ZNF704: variants seen among roughly 807,000 people sequenced by gnomAD.
ZNF704 encodes glucocorticoid induced gene 1.
In ZNF704, 10 loss-of-function variants were observed where a neutral mutation model predicts 44.7. The observed-to-expected ratio is 0.22, with a 90% CI of 0.14 to 0.38. The LOEUF (loss-of-function observed/expected upper bound fraction) is 0.38, where lower values mean the gene tolerates loss of function less well. Ranked by LOEUF, ZNF704 falls within the 10% of genes least tolerant of loss-of-function variation. The pLI is 1.00. For missense variants in ZNF704, 390 were observed against 545.5 expected, an observed-to-expected ratio of 0.71 and a Z score of 2.84; for synonymous variants, 211 against 207.6, an observed-to-expected ratio of 1.02 and a Z score of -0.14.
chr8:80,690,080 A>G (rs1463150250), intron 3 of ZNF704, among the ~76,000 whole-genome samples: 1 of 151,482 alleles, frequency 6.6e-6, no homozygotes, highest in African/African-American at 2.4e-5. Flanking sequence ...AAAAGCCTTC[A>G]TTATAATAAA....
chr8:80,819,854 G>C (rs1260361381), intron 2 of ZNF704, among the ~76,000 whole-genome samples: 2 of 152,094 alleles, frequency 1.3e-5, no homozygotes, highest in East Asian at 3.8e-4. Flanking sequence ...TGACAAATCT[G>C]GCAATGGGAG....
At chr8:80,754,105 C>G (rs1206325633) in intron 2 of ZNF704, among the ~76,000 whole-genome samples, 1 of 152,186 alleles carries the variant, frequency 6.6e-6, no homozygotes, top group African/African-American at 2.4e-5. Context: ...TACTCCCAAA[C>G]CTAAAGGGCC....
At chr8:80,758,925 C>T (rs368432203) in intron 2 of ZNF704, among the ~76,000 whole-genome samples, 2 of 152,100 alleles carry the variant, frequency 1.3e-5, no homozygotes, top group African/African-American at 4.8e-5. Flanking sequence ...AGAAACTGAG[C>T]CTTACAGAAT....
intron 5 of ZNF704, among the ~76,000 whole-genome samples, chr8:80,665,658 T>C (rs1341915310): frequency 1.3e-5 from 2 of 152,054 alleles, no homozygotes; most frequent in East Asian, 1.9e-4. Context: ...ACTGCACTTG[T>C]ACCCCCCCAT....
At chr8:80,759,714 C>A (rs1314669329) in intron 2 of ZNF704, among the ~76,000 whole-genome samples, 2 of 152,068 alleles carry the variant, frequency 1.3e-5, no homozygotes, top group Non-Finnish European at 2.9e-5. Context: ...GGAGAGGATC[C>A]CTCCCCACTT....
intron 3 of ZNF704, among the ~76,000 whole-genome samples, chr8:80,692,265 T>C (rs11992372): frequency 0.043 from 6,592 of 152,274 alleles, 499 homozygotes; most frequent in African/African-American, 0.15. Context: ...CAAAAAGATA[T>C]GGAGAATTTC....
intron 4 of ZNF704, among the ~76,000 whole-genome samples, chr8:80,676,813 C>A (rs1327268345): frequency 6.6e-6 from 1 of 152,138 alleles, no homozygotes; most frequent in African/African-American, 2.4e-5. Context: ...ATAAGGAGCG[C>A]GCAATCTGGT....
At chr8:80,798,729 C>T (rs1382432344) in intron 2 of ZNF704, among the ~76,000 whole-genome samples, 2 of 152,202 alleles carry the variant, frequency 1.3e-5, no homozygotes, top group Non-Finnish European at 2.9e-5. Context: ...TCCAAAGCTG[C>T]TTCCATATTT....
rs1160673629 is a variant in ZNF704 at position 80,629,697 on chromosome 8, C to T, written c.*11669G>A. 1.3e-5 allele frequency: 2 copies of T among 152,262 alleles called. No homozygotes were observed. Among genetic ancestry groups the T allele is most frequent in the East Asian group, 3.9e-4 (2 of 5,188 alleles). 9.4% of individuals were successfully genotyped at this position (152,262 alleles called of 1,614,324 possible). A position where few individuals can be genotyped will look rare whatever the true frequency, so the allele number is the denominator to read the frequency against. On this transcript the variant is annotated 3_prime_UTR_variant, in exon 9 of 9. Transcript: ENST00000327835. ...ATTTTGAAAAAAGATCAATGATTTG[C>T]TTTGCTGGACAATATTTTCATATTT...
intron 2 of ZNF704, among the ~76,000 whole-genome samples, chr8:80,719,582 G>A (rs910337773): frequency 2.6e-5 from 4 of 152,198 alleles, no homozygotes; most frequent in Admixed American, 1.3e-4. Flanking sequence ...TCTATTGTAA[G>A]CAGCAGATTT....
intron 2 of ZNF704, among the ~76,000 whole-genome samples, chr8:80,706,571 G>A (rs1396790199): frequency 5.3e-5 from 8 of 152,212 alleles, no homozygotes; most frequent in African/African-American, 1.9e-4. Context: ...GAGCAAGGGG[G>A]GATGTGTCTC....
chr8:80,840,852 G>C (rs1306075719), intron 1 of ZNF704, among the ~76,000 whole-genome samples: 1 of 152,146 alleles, frequency 6.6e-6, no homozygotes, highest in Non-Finnish European at 1.5e-5. Context: ...AACACAATTA[G>C]CTCCCTTGAA....
chr8:80,685,939 A>G (rs1818527628), intron 4 of ZNF704, among the ~76,000 whole-genome samples: 1 of 152,248 alleles, frequency 6.6e-6, no homozygotes, highest in African/African-American at 2.4e-5. Flanking sequence ...GTTTGTGAAC[A>G]GCCATTCATA....
At chr8:80,849,537 TC>T (rs1288861823) in intron 1 of ZNF704, among the ~76,000 whole-genome samples, 2 of 152,340 alleles carry the variant, frequency 1.3e-5, no homozygotes, top group East Asian at 1.9e-4. Context: ...ACCACTGCAA[TC>T]CATGGCTCAA....
At chr8:80,693,232 A>G (rs1818669800) in intron 2 of ZNF704, 125 bp from the exon 3 acceptor site, 2 of 774,396 alleles carry the variant, frequency 2.6e-6, no homozygotes, top group Non-Finnish European at 4.3e-6. Flanking sequence ...ATGTTCTGTT[A>G]GCTTTATTTT....
chr8:80,809,078 G>A (rs1808041127), intron 2 of ZNF704, among the ~76,000 whole-genome samples: 1 of 152,208 alleles, frequency 6.6e-6, no homozygotes, highest in African/African-American at 2.4e-5. Context: ...GATCACTTGA[G>A]GTCAGGAGTT....
At chr8:80,781,766 C>T (rs1422476452) in intron 2 of ZNF704, among the ~76,000 whole-genome samples, 2 of 152,114 alleles carry the variant, frequency 1.3e-5, no homozygotes, top group African/African-American at 4.8e-5. Context: ...TTCAGGCATG[C>T]CATAGACTTA....
intron 2 of ZNF704, among the ~76,000 whole-genome samples, chr8:80,807,418 T>G (rs1262843131): frequency 6.6e-6 from 1 of 152,022 alleles, no homozygotes; most frequent in Non-Finnish European, 1.5e-5. Context: ...AGTGAAAAGG[T>G]GTTTTTAAAT....
chr8:80,707,716 C>T (rs1262687942), intron 2 of ZNF704, among the ~76,000 whole-genome samples: 1 of 152,122 alleles, frequency 6.6e-6, no homozygotes, highest in African/African-American at 2.4e-5. Flanking sequence ...CATTTAAATT[C>T]GATTGTTTCA....
Sources: gnomAD v4.1 joint callset for allele counts (sites outside exome capture counted in the v4.1 genomes callset) on GRCh38, gnomAD v4.1.1 for gene constraint, MANE v1.5 for transcripts, NCBI Gene and HGNC (gene_info 2026-07-23, HGNC 2026-07-21) for gene names.